The following USP13 variants were observed in gnomAD, a reference collection of about 807,000 sequenced individuals.
USP13 encodes ubiquitin specific peptidase 13.
Under a neutral mutation model 107.8 loss-of-function variants are expected in USP13, and 68 were observed. The ratio of observed to expected loss-of-function variants is 0.63; its 90% CI spans 0.52 to 0.77. The LOEUF is 0.77. Among genes scored for constraint, USP13 ranks in the 30% least tolerant of loss-of-function variants. The pLI, the probability that USP13 is intolerant of heterozygous loss-of-function variation, is 0.00. For synonymous variants in USP13, 377 were observed against 389.5 expected (o/e 0.97, Z 0.38); for missense variants, 945 against 1,093.3 (o/e 0.86, Z 1.91).
intron 5 of USP13, among the ~76,000 whole-genome samples, chr3:179,708,012 A>G (rs759707043): frequency 6.6e-6 from 1 of 152,230 alleles, no homozygotes; most frequent in Non-Finnish European, 1.5e-5. Context: ...TCTCCTTTCT[A>G]ATTAATTTAG....
intron 13 of USP13, among the ~76,000 whole-genome samples, 171 bp from the exon 14 acceptor site, chr3:179,752,114 A>C (rs1714633364): frequency 6.6e-6 from 1 of 152,234 alleles, no homozygotes; most frequent in Non-Finnish European, 1.5e-5. Flanking sequence ...ACAAATGAGC[A>C]GGGGAGAGCG....
chr3:179,659,046 T>C (rs1720375885), intron 1 of USP13, among the ~76,000 whole-genome samples: 1 of 152,204 alleles, frequency 6.6e-6, no homozygotes, highest in Non-Finnish European at 1.5e-5. Flanking sequence ...CTTCTCGCAT[T>C]GGGACTGTTT....
intron 1 of USP13, among the ~76,000 whole-genome samples, chr3:179,679,754 CT>C (rs1322251530): frequency 6.8e-6 from 1 of 148,036 alleles, no homozygotes; most frequent in Non-Finnish European, 1.5e-5. Flanking sequence ...AACTCTAACA[CT>C]TCCATGCTGT....
At chr3:179,688,838 A>T (rs1266819349) in intron 2 of USP13, among the ~76,000 whole-genome samples, 1 of 151,892 alleles carries the variant, frequency 6.6e-6, no homozygotes, top group Non-Finnish European at 1.5e-5. Context: ...TTTTTGAAGC[A>T]GTTAAGTGGA....
intron 10 of USP13, among the ~76,000 whole-genome samples, chr3:179,739,541 C>T (rs2108511167): frequency 6.6e-6 from 1 of 152,282 alleles, no homozygotes; most frequent in Non-Finnish European, 1.5e-5. Flanking sequence ...GAGCTCTCCT[C>T]TCATTTATTT....
At chr3:179,692,512 C>T (rs1175487825) in intron 3 of USP13, among the ~76,000 whole-genome samples, 2 of 152,218 alleles carry the variant, frequency 1.3e-5, no homozygotes, top group Non-Finnish European at 2.9e-5. Context: ...ACCAACTAAA[C>T]CCAAACCAAG....
At chr3:179,754,046 G>A (rs12496584) in intron 14 of USP13, among the ~76,000 whole-genome samples, 2,396 of 152,296 alleles carry the variant, frequency 0.016, 62 homozygotes, top group African/African-American at 0.055. Flanking sequence ...AGAACGGGTT[G>A]CATCATCAAA....
At chr3:179,704,921 G>A (rs1033747649) in intron 4 of USP13, among the ~76,000 whole-genome samples, 1 of 152,142 alleles carries the variant, frequency 6.6e-6, no homozygotes, top group African/African-American at 2.4e-5. Context: ...TTAAGCTGGA[G>A]AAGGATAGGA....
chr3:179,654,397 C>T (rs891055675), intron 1 of USP13, among the ~76,000 whole-genome samples: 1 of 152,074 alleles, frequency 6.6e-6, no homozygotes, highest in African/African-American at 2.4e-5. Flanking sequence ...GAGTCGTGAC[C>T]TCGGAGAATG....
chr3:179,673,045 G>T (rs990171271), intron 1 of USP13, among the ~76,000 whole-genome samples: 26 of 152,168 alleles, frequency 1.7e-4, no homozygotes, highest in African/African-American at 6.0e-4. Context: ...CAGCAGGTGG[G>T]AGAGCTGGGG....
chr3:179,683,274 A>C (rs1412249893), intron 2 of USP13, among the ~76,000 whole-genome samples: 2 of 151,666 alleles, frequency 1.3e-5, no homozygotes, highest in African/African-American at 2.4e-5. Flanking sequence ...ATTTTGTAGA[A>C]TAGAAGTTGT....
chr3:179,779,477 C>T (rs1715665930), intron 19 of USP13, among the ~76,000 whole-genome samples: 1 of 151,846 alleles, frequency 6.6e-6, no homozygotes, highest in Non-Finnish European at 1.5e-5. Context: ...TTGCAGTGAG[C>T]CGAGATTGCG....
At chr3:179,725,848 C>T (rs971542610) in intron 8 of USP13, among the ~76,000 whole-genome samples, 2 of 152,106 alleles carry the variant, frequency 1.3e-5, no homozygotes, top group African/African-American at 4.8e-5. Context: ...AGATACTAAA[C>T]AAGATGTATT....
rs192549597 is a variant in USP13 at position 179,704,009 on chromosome 3, A to G, written c.477+2880A>G. On this transcript the variant is annotated intron_variant, in intron 4 of 20. Transcript: ENST00000263966. ...AACTGAACTGGAGGCTTACAAAGGCATGGGATGGAGCCAGGACTAGTACCA... is the reference window on the plus strand; with the variant it reads ...AACTGAACTGGAGGCTTACAAAGGCGTGGGATGGAGCCAGGACTAGTACCA... 2.6e-5 allele frequency among the ~76,000 whole-genome samples: 4 copies of G among 152,212 alleles called. 1 individual carries two copies. The highest frequency in any genetic ancestry group is 3.8e-4 in the East Asian group (2 of 5,198).
At chr3:179,738,812 A>T (rs890016049) in intron 10 of USP13, among the ~76,000 whole-genome samples, 2 of 152,194 alleles carry the variant, frequency 1.3e-5, no homozygotes, top group Non-Finnish European at 2.9e-5. Flanking sequence ...CTGAAGCATT[A>T]GTGTCAGCAT....
chr3:179,667,908 G>A (rs1328340943), intron 1 of USP13, among the ~76,000 whole-genome samples: 3 of 152,104 alleles, frequency 2.0e-5, no homozygotes, highest in African/African-American at 4.8e-5. Context: ...TTGGCCTGCC[G>A]AAGTGCTGGG....
At chr3:179,734,446 A>C (rs1278023369) in intron 10 of USP13, among the ~76,000 whole-genome samples, 1 of 152,238 alleles carries the variant, frequency 6.6e-6, no homozygotes, top group Non-Finnish European at 1.5e-5. Context: ...TATTCTGAAT[A>C]AGCTGCATTT....
chr3:179,764,643 A>C lies in USP13; in HGVS notation c.2259+475A>C, dbSNP rs75509626. The stretch of plus-strand genomic sequence containing the variant: ...TGCTGCTGTTTCTCTCTGCAGAAAG[A>C]GAAGGTTCTTCTGGTAGCCATGAAC... On this transcript the variant is annotated intron_variant, in intron 18 of 20. Coordinates refer to ENST00000263966, the MANE Select transcript of USP13 (RefSeq NM_003940.3). Among the ~76,000 whole-genome samples the C allele has an allele frequency of 2.9e-3, 446 of 152,292 alleles. 10 individuals carry two copies. The East Asian group carries it at 0.06, about 21-fold the overall frequency.
At chr3:179,654,612 C>A (rs981051612) in intron 1 of USP13, among the ~76,000 whole-genome samples, 2 of 152,306 alleles carry the variant, frequency 1.3e-5, no homozygotes, top group South Asian at 4.1e-4. Context: ...CTTTAGATCT[C>A]ATATGTCACC....
Sources: allele counts gnomAD v4.1 joint callset (sites outside exome capture counted in the v4.1 genomes callset), GRCh38; gene constraint gnomAD v4.1.1; transcripts MANE v1.5; gene names NCBI Gene and HGNC (gene_info 2026-07-23, HGNC 2026-07-21).